TENM3: variants seen among roughly 807,000 people sequenced by gnomAD.
The protein encoded by TENM3 is teneurin-3.
TENM3 carries 63 observed loss-of-function variants against 255.1 expected under a neutral mutation model. The ratio of observed to expected loss-of-function variants is 0.25; its 90% CI spans 0.20 to 0.30. The LOEUF is 0.30. Among genes scored for constraint, TENM3 ranks in the 10% least tolerant of loss-of-function variants. The pLI, the probability that TENM3 is intolerant of heterozygous loss-of-function variation, is 1.00. For missense variants in TENM3, 2,929 were observed against 3,461.1 expected, an observed-to-expected ratio of 0.85 and a Z score of 3.86; for synonymous variants, 1,306 against 1,322.3, an observed-to-expected ratio of 0.99 and a Z score of 0.27.
chr4:182,740,883 A>G (rs1056817680), intron 18 of TENM3, among the ~76,000 whole-genome samples: 2 of 152,222 alleles, frequency 1.3e-5, no homozygotes, highest in African/African-American at 4.8e-5. Context: ...TCTAAATTAT[A>G]AAATATATTT....
chr4:182,377,369 A>C (rs905416491), intron 3 of TENM3, among the ~76,000 whole-genome samples: 1 of 152,170 alleles, frequency 6.6e-6, no homozygotes, highest in Non-Finnish European at 1.5e-5. Context: ...GCTGGAATGC[A>C]GTAGCTCAAT....
chr4:181,592,648 T>C, the TENM3 span, among the ~76,000 whole-genome samples: 1 of 149,056 alleles, frequency 6.7e-6, no homozygotes, highest in Non-Finnish European at 1.5e-5. Context: ...TTTTGGAGAC[T>C]GCTGAAAATC....
At chr4:181,977,238 A>G in the TENM3 span, among the ~76,000 whole-genome samples, 1 of 152,208 alleles carries the variant, frequency 6.6e-6, no homozygotes, top group South Asian at 2.1e-4. Flanking sequence ...AGATGAATTA[A>G]AACTCTTCTT....
At chr4:182,093,240 A>C in the TENM3 span, among the ~76,000 whole-genome samples, 3,557 of 152,272 alleles carry the variant, frequency 0.023, 110 homozygotes, top group East Asian at 0.079. Flanking sequence ...GAGCAATGGG[A>C]TCTCACTCTG....
intron 1 of TENM3, 92 bp from the exon 2 acceptor site, chr4:182,323,854 G>A (rs942241371): frequency 1.5e-5 from 9 of 610,526 alleles, no homozygotes; most frequent in Non-Finnish European, 2.3e-5. Flanking sequence ...CAATACTATT[G>A]TTTCCTACCA....
At chr4:181,507,630 T>A in the TENM3 span, among the ~76,000 whole-genome samples, 1 of 152,222 alleles carries the variant, frequency 6.6e-6, no homozygotes, top group Non-Finnish European at 1.5e-5. Context: ...CACGCATGCA[T>A]TTTTTATTGT....
chr4:182,214,155 T>C (rs1579753723), intron 1 of TENM3, among the ~76,000 whole-genome samples: 1 of 152,152 alleles, frequency 6.6e-6, no homozygotes, highest in African/African-American at 2.4e-5. Context: ...TTTAGGTAAG[T>C]AGGGTTTAAA....
Position 182,583,333 on chromosome 4 carries a change from CTGTGTGTGTGTGTGTGTGTGTGTGTG to C in TENM3, c.512-17571_512-17546del, listed in dbSNP as rs3073440. On this transcript the variant is annotated intron_variant, in intron 3 of 27. Transcript: ENST00000511685. The stretch of plus-strand genomic sequence containing the variant: ...GAGTTAGCAACTGAAGCTTAAACCT[CTGTGTGTGTGTGTGTGTGTGTGTGTG>C]TGTGTGTGTGTGTGTGTGTATTTTA... Among the ~76,000 whole-genome samples the C allele has an allele frequency of 3.2e-3, 459 of 143,516 alleles. 9 individuals are homozygous for C. Among genetic ancestry groups the C allele is most frequent in the East Asian group, 0.03 (149 of 4,888 alleles). 94.2% of individuals were successfully genotyped at this position (143,516 alleles called of 152,430 possible).
the TENM3 span, among the ~76,000 whole-genome samples, chr4:181,498,634 C>T: frequency 3.9e-5 from 6 of 152,226 alleles, no homozygotes; most frequent in African/African-American, 9.6e-5. Context: ...TTTAGAGTCA[C>T]GTCTAATAGG....
At chr4:181,844,848 T>C in the TENM3 span, among the ~76,000 whole-genome samples, 1 of 152,158 alleles carries the variant, frequency 6.6e-6, no homozygotes, top group African/African-American at 2.4e-5. Context: ...TAAAAACGCA[T>C]TTAAATGGTC....
the TENM3 span, among the ~76,000 whole-genome samples, chr4:182,026,149 G>C: frequency 6.6e-6 from 1 of 152,176 alleles, no homozygotes; most frequent in African/African-American, 2.4e-5. Flanking sequence ...GCAAAGACAT[G>C]AGCTCATCCT....
the TENM3 span, among the ~76,000 whole-genome samples, chr4:181,667,496 G>T: frequency 2.0e-4 from 31 of 152,240 alleles, no homozygotes; most frequent in African/African-American, 7.5e-4. Flanking sequence ...ATTAAAAAGT[G>T]GTTTGGCCAC....
chr4:182,711,695 T>G (rs1208879695), intron 12 of TENM3: 1 of 414,938 alleles, frequency 2.4e-6, no homozygotes, highest in East Asian at 1.6e-4. Flanking sequence ...TCCATGCATA[T>G]TTTTGTAAAT....
At chr4:182,278,876 G>A (rs1008975997) in intron 1 of TENM3, among the ~76,000 whole-genome samples, 1 of 152,148 alleles carries the variant, frequency 6.6e-6, no homozygotes, top group Non-Finnish European at 1.5e-5. Context: ...CATGCGCTGC[G>A]GGCTCCATGT....
chr4:182,151,090 A>T (rs923318411), intron 1 of TENM3, among the ~76,000 whole-genome samples: 1 of 152,114 alleles, frequency 6.6e-6, no homozygotes, highest in African/African-American at 2.4e-5. Flanking sequence ...TCCAAAGAAG[A>T]GGTCCTCACT....
At chr4:182,070,038 T>C in the TENM3 span, among the ~76,000 whole-genome samples, 1 of 152,184 alleles carries the variant, frequency 6.6e-6, no homozygotes, top group South Asian at 2.1e-4. Context: ...TAAGAATGTT[T>C]CTAGGCAGAG....
the TENM3 span, among the ~76,000 whole-genome samples, chr4:181,813,411 A>G: frequency 6.6e-6 from 1 of 152,226 alleles, no homozygotes; most frequent in African/African-American, 2.4e-5. Flanking sequence ...AACAACAAAC[A>G]AAGCGTCAAG....
At position 182,682,141 on chromosome 4, in the gene TENM3, A is replaced by G. The variant is rs1459784367; in HGVS notation, c.2035+127A>G. On this transcript the variant is annotated intron_variant, in intron 11 of 27. Coordinates refer to ENST00000511685, the MANE Select transcript of TENM3 (RefSeq NM_001080477.4). ...TAGTAAAGTGATTCTTTATGGAAAT[A>G]AATATTAAAAGTAATGATATGTAGT... 5.2e-5 allele frequency: 40 copies of G among 762,648 alleles called. No individual in the cohort carries two copies. In the East Asian group the frequency reaches 1.0e-3, roughly 19 times the overall value. The allele number at this position is 762,648 out of a possible 1,614,324, so 47.2% of individuals were successfully genotyped here.
intron 3 of TENM3, among the ~76,000 whole-genome samples, chr4:182,577,155 A>C (rs1327557328): frequency 7.2e-5 from 11 of 152,134 alleles, no homozygotes; most frequent in Non-Finnish European, 1.3e-4. Context: ...TTATCGGAAA[A>C]ACCTTCTGAG....
Sources: gnomAD v4.1 joint callset for allele counts (sites outside exome capture counted in the v4.1 genomes callset) on GRCh38, gnomAD v4.1.1 for gene constraint, MANE v1.5 for transcripts, NCBI Gene and HGNC (gene_info 2026-07-23, HGNC 2026-07-21) for gene names.